Variants in TMEM132D observed in about 807,000 individuals in gnomAD.
TMEM132D encodes mature OL transmembrane protein.
TMEM132D carries 21 observed loss-of-function variants against 62.3 expected under a neutral mutation model. That is an observed-to-expected ratio of 0.34 (90% confidence interval 0.24 to 0.49). TMEM132D has a LOEUF of 0.49. Among genes scored for constraint, TMEM132D ranks in the 20% least tolerant of loss-of-function variants. TMEM132D has a pLI of 0.99. For missense variants in TMEM132D, 1,346 were observed against 1,402.8 expected, an observed-to-expected ratio of 0.96 and a Z score of 0.65; for synonymous variants, 621 against 575.6, an observed-to-expected ratio of 1.08 and a Z score of -1.13.
At chr12:129,825,675 G>T (rs1216264096) in intron 1 of TMEM132D, among the ~76,000 whole-genome samples, 1 of 152,098 alleles carries the variant, frequency 6.6e-6, no homozygotes. Context: ...ACCCAGGAGG[G>T]GCTGCATGGT....
chr12:129,510,804 T>G (rs1663738162), intron 3 of TMEM132D, among the ~76,000 whole-genome samples: 2 of 152,194 alleles, frequency 1.3e-5, no homozygotes, highest in Middle Eastern at 3.2e-3. Flanking sequence ...CTGAAGAGAC[T>G]GTCCTTTCCC....
intron 1 of TMEM132D, among the ~76,000 whole-genome samples, chr12:129,841,360 C>G (rs780920075): frequency 1.3e-5 from 2 of 151,916 alleles, no homozygotes; most frequent in South Asian, 2.1e-4. Flanking sequence ...TCCAAGCCCT[C>G]GTAAGATTGT....
At chr12:129,889,691 G>T (rs1166997357) in intron 1 of TMEM132D, among the ~76,000 whole-genome samples, 1 of 152,168 alleles carries the variant, frequency 6.6e-6, no homozygotes, top group Non-Finnish European at 1.5e-5. Context: ...CCTTGTAACG[G>T]AAGATCTGCT....
chr12:129,713,405 G>GA (rs1565958993), intron 1 of TMEM132D, among the ~76,000 whole-genome samples: 3 of 147,168 alleles, frequency 2.0e-5, no homozygotes, highest in Non-Finnish European at 4.5e-5. Flanking sequence ...GTTTTTTGTT[G>GA]TTTTTTTTTT....
Position 129,209,590 on chromosome 12 carries a change from T to C in TMEM132D, c.1373A>G (p.Glu458Gly). Residue 458 changes from glutamate (E) to glycine (G), a missense_variant, in exon 5 of 9, where the codon GAG becomes GGG. Coordinates refer to ENST00000422113, the MANE Select transcript of TMEM132D (RefSeq NM_133448.3). The stretch of plus-strand genomic sequence containing the variant: ...CAGCTCTGTCACTGTGCCGTCGTCC[T>C]CCACGGAGACCACTTTCACCGGGAC... ...VAVPVKVVSV[E>G]DDGTVTELLE... The C allele has an allele frequency of 6.2e-7, 1 of 1,614,168 alleles. No homozygotes were observed. The highest frequency in any genetic ancestry group is 8.5e-7 in the Non-Finnish European group (1 of 1,180,020).
chr12:129,166,674 C>CATAT (rs72366382), intron 5 of TMEM132D, among the ~76,000 whole-genome samples: 9 of 139,164 alleles, frequency 6.5e-5, no homozygotes, highest in African/African-American at 2.5e-4. Flanking sequence ...TACGCAAGGA[C>CATAT]ATATATATAC....
intron 2 of TMEM132D, among the ~76,000 whole-genome samples, chr12:129,668,560 C>A (rs7306561): frequency 4.0e-5 from 6 of 151,772 alleles, no homozygotes. Flanking sequence ...GTGTTAAACA[C>A]TGCTAAACCT....
At chr12:129,405,434 AC>A (rs1365440853) in intron 3 of TMEM132D, among the ~76,000 whole-genome samples, 1 of 152,108 alleles carries the variant, frequency 6.6e-6, no homozygotes, top group Non-Finnish European at 1.5e-5. Flanking sequence ...GGAGACACAA[AC>A]ATTCAGCCCA....
At chr12:129,172,676 T>C (rs2135547114) in intron 5 of TMEM132D, among the ~76,000 whole-genome samples, 1 of 152,304 alleles carries the variant, frequency 6.6e-6, no homozygotes, top group South Asian at 2.1e-4. Context: ...CCTCCCGGGT[T>C]CAAGTGATTC....
At chr12:129,159,772 A>G (rs1877346820) in intron 5 of TMEM132D, among the ~76,000 whole-genome samples, 1 of 148,076 alleles carries the variant, frequency 6.8e-6, no homozygotes, top group Admixed American at 6.9e-5. Context: ...AAAAAAAAAA[A>G]AAAAAGAAAG....
At chr12:129,465,012 G>T (rs1055152776) in intron 3 of TMEM132D, among the ~76,000 whole-genome samples, 121 of 150,950 alleles carry the variant, frequency 8.0e-4, no homozygotes, top group African/African-American at 2.6e-3. Context: ...TGTGAAGAAG[G>T]CATTGGTAGC....
At position 129,491,708 on chromosome 12, in the gene TMEM132D, G is replaced by A. The variant is rs574802195; in HGVS notation, c.1115+39351C>T. On this transcript the variant is annotated intron_variant, in intron 3 of 8. Coordinates refer to ENST00000422113, the MANE Select transcript of TMEM132D (RefSeq NM_133448.3). ...TATAATCCCAGCACTTTGGGAGGCC[G>A]AGGTGGGTAGATCACTTGAGGCCAG... Among the ~76,000 whole-genome samples, 152 of 152,300 alleles carry A rather than the reference G, an allele frequency of 1.0e-3. 1 individual carries two copies. The highest frequency in any genetic ancestry group is 3.4e-3 in the African/African-American group (140 of 41,566).
At chr12:129,437,287 C>T (rs952793426) in intron 3 of TMEM132D, among the ~76,000 whole-genome samples, 10 of 152,120 alleles carry the variant, frequency 6.6e-5, no homozygotes, top group Non-Finnish European at 1.5e-4. Context: ...GCCTCCCCAC[C>T]ATCCTGGAGC....
At chr12:129,731,123 C>A (rs1027764765) in intron 1 of TMEM132D, among the ~76,000 whole-genome samples, 1 of 152,058 alleles carries the variant, frequency 6.6e-6, no homozygotes, top group Non-Finnish European at 1.5e-5. Flanking sequence ...TGGTTTAGAG[C>A]TTTACCATTC....
intron 5 of TMEM132D, among the ~76,000 whole-genome samples, chr12:129,090,107 G>C (rs1237786335): frequency 6.6e-6 from 1 of 152,236 alleles, no homozygotes; most frequent in African/African-American, 2.4e-5. Flanking sequence ...TCTCCAGGGT[G>C]ATCGATGGCG....
chr12:129,335,291 C>T (rs377141229), intron 4 of TMEM132D, among the ~76,000 whole-genome samples: 1 of 151,850 alleles, frequency 6.6e-6, no homozygotes, highest in Non-Finnish European at 1.5e-5. Context: ...GCCATCACAC[C>T]TGGCTAAGTT....
At chr12:129,246,429 T>C (rs1422437100) in intron 4 of TMEM132D, among the ~76,000 whole-genome samples, 1 of 152,042 alleles carries the variant, frequency 6.6e-6, no homozygotes, top group Non-Finnish European at 1.5e-5. Flanking sequence ...CGGGAAGGAA[T>C]GGGTTAATAA....
chr12:129,405,537 G>A (rs1459558904), intron 3 of TMEM132D, among the ~76,000 whole-genome samples: 1 of 152,172 alleles, frequency 6.6e-6, no homozygotes, highest in South Asian at 2.1e-4. Flanking sequence ...GAGGCATGGA[G>A]GTGGGTCGGG....
intron 2 of TMEM132D, among the ~76,000 whole-genome samples, chr12:129,650,675 C>T (rs1030472863): frequency 6.6e-6 from 1 of 152,062 alleles, no homozygotes; most frequent in Non-Finnish European, 1.5e-5. Context: ...GGTACTTTGG[C>T]GTGACTTTAA....
Sources: allele counts gnomAD v4.1 joint callset (sites outside exome capture counted in the v4.1 genomes callset), GRCh38; gene constraint gnomAD v4.1.1; transcripts MANE v1.5; gene names NCBI Gene and HGNC (gene_info 2026-07-23, HGNC 2026-07-21).